SLC22A8: variants seen among roughly 807,000 people sequenced by gnomAD.
The protein encoded by SLC22A8 is solute carrier family 22 member 8, also known as organic anion transporter 3.
In SLC22A8, 40 loss-of-function variants were observed where a neutral mutation model predicts 48.4. The observed-to-expected ratio is 0.83, with a 90% CI of 0.64 to 1.08. The LOEUF (loss-of-function observed/expected upper bound fraction) is 1.08, where lower values mean the gene tolerates loss of function less well. Among genes scored for constraint, SLC22A8 ranks in the 50% least tolerant of loss-of-function variants. SLC22A8 has a pLI of 0.00. For missense variants in SLC22A8, 606 were observed against 699.0 expected (o/e 0.87, Z 1.50); for synonymous variants, 268 against 286.3 (o/e 0.94, Z 0.65).
chr11:63,014,100 A>C (rs1280250643), intron 2 of SLC22A8, among the ~76,000 whole-genome samples: 1 of 152,110 alleles, frequency 6.6e-6, no homozygotes, highest in Non-Finnish European at 1.5e-5. Flanking sequence ...GTCTTTGCAC[A>C]AGACGGACTT....
intron 8 of SLC22A8, 49 bp downstream of exon 8, chr11:62,994,493 A>C: frequency 4.1e-6 from 6 of 1,467,862 alleles, no homozygotes; most frequent in Non-Finnish European, 5.6e-6. Context: ...CCTGGCACCC[A>C]ACCTGGCAGC....
In SLC22A8 at chr11:63,014,618, A is replaced by G. The variant is rs2086653501; in HGVS notation, c.333+8T>C. On this transcript the variant is annotated splice_region_variant and intron_variant, in intron 2 of 10. Coordinates refer to ENST00000336232, the MANE Select transcript of SLC22A8 (RefSeq NM_004254.4). The stretch of plus-strand genomic sequence containing the variant: ...GTAAGTGGAGGGAGAGGGTTTGCCC[A>G]GGCATACCTCTGTCACAATGGAGTC... 6.4e-7 allele frequency: 1 copy of G among 1,573,490 alleles called. No individual in the cohort carries two copies. The highest frequency in any genetic ancestry group is 1.2e-5 in the South Asian group (1 of 86,086).
intron 5 of SLC22A8, among the ~76,000 whole-genome samples, chr11:62,998,012 C>T (rs1404083691): frequency 2.6e-5 from 4 of 152,044 alleles, no homozygotes; most frequent in African/African-American, 9.7e-5. Context: ...AGTGCAGTGG[C>T]GTGACCTTGG....
intron 8 of SLC22A8, chr11:62,994,122 T>C: frequency 1.8e-6 from 1 of 569,188 alleles, no homozygotes; most frequent in Non-Finnish European, 3.1e-6. Flanking sequence ...ATACCTCAAG[T>C]TCTTTTGGAA....
intron 2 of SLC22A8, among the ~76,000 whole-genome samples, chr11:63,005,673 C>G (rs1334091663): frequency 6.7e-6 from 1 of 149,540 alleles, no homozygotes; most frequent in Non-Finnish European, 1.5e-5. Context: ...ATGTTATGAT[C>G]CACAGAGGCA....
intron 2 of SLC22A8, among the ~76,000 whole-genome samples, chr11:63,004,675 G>C (rs933230840): frequency 6.6e-6 from 1 of 152,084 alleles, no homozygotes; most frequent in African/African-American, 2.4e-5. Context: ...CATCTTTTTG[G>C]TTTATTGCAT....
At chr11:63,014,512 G>A (rs893859119) in intron 2 of SLC22A8, 114 bp downstream of exon 2, 1 of 918,796 alleles carries the variant, frequency 1.1e-6, no homozygotes, top group Non-Finnish European at 1.7e-6. Context: ...CCTGCCCAGT[G>A]ACCTGTCCTC....
Position 62,994,628 on chromosome 11 carries a change from A to C in SLC22A8, c.1130T>G (p.Leu377Ter). The C allele has an allele frequency of 6.2e-7, 1 of 1,614,196 alleles. No individual in the cohort carries two copies. The highest frequency in any genetic ancestry group is 8.5e-7 in the Non-Finnish European group (1 of 1,180,024). Reference sequence around the variant, plus strand: ...AGTGGTATGCCGGCCCAGGTAGCTTAAGGAGAGGATGGTGATGAACTTGGC... The same window carrying C: ...AGTGGTATGCCGGCCCAGGTAGCTTCAGGAGAGGATGGTGATGAACTTGGC... ...VPAKFITILSLSYLGRHTTQA... is the reference protein window; with the variant it reads ...VPAKFITILS The change falls in exon 8 of 11, where the codon TTA becomes TGA. Residue 377 changes from leucine (L) to a stop codon, truncating the protein, a stop_gained. Coordinates refer to ENST00000336232, the MANE Select transcript of SLC22A8 (RefSeq NM_004254.4). LOFTEE classifies it high-confidence loss of function.
chr11:63,000,100 C>A (rs1011492612), intron 3 of SLC22A8, among the ~76,000 whole-genome samples: 1 of 152,218 alleles, frequency 6.6e-6, no homozygotes, highest in South Asian at 2.1e-4. Flanking sequence ...AAGGACCGCC[C>A]ATCTCTAAGC....
intron 1 of SLC22A8, 94 bp downstream of exon 1, chr11:63,015,635 T>A (rs968674500): frequency 1.3e-5 from 2 of 152,462 alleles, no homozygotes; most frequent in Non-Finnish European, 2.9e-5. Flanking sequence ...CAGAGGGCAC[T>A]AGGGGCTTGG....
intron 5 of SLC22A8, among the ~76,000 whole-genome samples, chr11:62,997,079 A>G (rs748916290): frequency 1.3e-5 from 2 of 152,168 alleles, no homozygotes; most frequent in Non-Finnish European, 2.9e-5. Flanking sequence ...TCCCAAAACC[A>G]TGGCAAGGGC....
At chr11:63,015,007 G>A in intron 1 of SLC22A8, 24 bp from the exon 2 acceptor site, 1 of 1,486,996 alleles carries the variant, frequency 6.7e-7, no homozygotes. Flanking sequence ...ATAGGCCAGG[G>A]AGAGGTATAT....
chr11:63,011,988 T>A (rs1436751907), intron 2 of SLC22A8, among the ~76,000 whole-genome samples: 2 of 151,346 alleles, frequency 1.3e-5, no homozygotes, highest in Non-Finnish European at 3.0e-5. Context: ...TGCTCTCTTT[T>A]TCTTTTTTTT....
intron 2 of SLC22A8, among the ~76,000 whole-genome samples, chr11:63,012,571 A>T (rs545156814): frequency 6.6e-6 from 1 of 152,260 alleles, no homozygotes; most frequent in South Asian, 2.1e-4. Flanking sequence ...TCCTCACTCC[A>T]GGCTGGTTAG....
At chr11:63,001,073 C>G in intron 2 of SLC22A8, 1 of 470,394 alleles carries the variant, frequency 2.1e-6, no homozygotes, top group Non-Finnish European at 3.9e-6. Flanking sequence ...ACTCAGCTAC[C>G]ACATCCAGGT....
intron 8 of SLC22A8, 80 bp from the exon 9 acceptor site, chr11:62,993,958 C>A: frequency 2.2e-6 from 2 of 891,834 alleles, no homozygotes; most frequent in Non-Finnish European, 3.8e-6. Context: ...ATCTTGTCTC[C>A]CTTTTTGCTT....
intron 2 of SLC22A8, among the ~76,000 whole-genome samples, chr11:63,011,598 T>A (rs1373006284): frequency 6.6e-6 from 1 of 152,154 alleles, no homozygotes; most frequent in Non-Finnish European, 1.5e-5. Flanking sequence ...TGCATTCAGT[T>A]ACCAGGTCCC....
In SLC22A8 at chr11:63,007,449, C is replaced by T. The variant is rs145365282; in HGVS notation, c.334-6626G>A. Among the ~76,000 whole-genome samples, 327 of 152,268 alleles carry T rather than the reference C, an allele frequency of 2.1e-3. 1 individual carries two copies. Among genetic ancestry groups the T allele is most frequent in the African/African-American group, 7.3e-3 (305 of 41,532 alleles). On this transcript the variant is annotated intron_variant, in intron 2 of 10. Transcript: ENST00000336232. Reference sequence around the variant, plus strand: ...CATGCGATTCTCCTGTCTCAGCCTCCGGAGTAGCTGGGACTACAGGCACCC... The same window carrying T: ...CATGCGATTCTCCTGTCTCAGCCTCTGGAGTAGCTGGGACTACAGGCACCC...
chr11:63,008,066 C>T (rs1331077574), intron 2 of SLC22A8, among the ~76,000 whole-genome samples: 1 of 152,190 alleles, frequency 6.6e-6, no homozygotes, highest in Non-Finnish European at 1.5e-5. Context: ...TACTGTGAGC[C>T]ACTGTAAGAC....
Sources: allele counts gnomAD v4.1 joint callset (sites outside exome capture counted in the v4.1 genomes callset), GRCh38; gene constraint gnomAD v4.1.1; transcripts MANE v1.5; gene names NCBI Gene and HGNC (gene_info 2026-07-23, HGNC 2026-07-21).